UBR1: variants seen among roughly 807,000 people sequenced by gnomAD.
UBR1 encodes ubiquitin protein ligase E3 component n-recognin 1.
A neutral mutation model predicts 242.1 loss-of-function variants in UBR1; 102 were observed. That is an observed-to-expected ratio of 0.42 (90% CI 0.36 to 0.50). The LOEUF is 0.50. UBR1 is among the 20% of genes least tolerant of loss of function. The pLI is 0.01. For missense variants in UBR1, 1,772 were observed against 2,101.8 expected (o/e 0.84, Z 3.07); for synonymous variants, 675 against 684.8 (o/e 0.99, Z 0.22).
chr15:42,983,851 T>C, intron 37 of UBR1, 46 bp downstream of exon 37: 5 of 1,149,564 alleles, frequency 4.3e-6, no homozygotes, highest in Non-Finnish European at 5.9e-6. Context: ...TAGAAAAAGA[T>C]ATATAAATAA....
chr15:42,976,768 G>A lies in UBR1; in HGVS notation c.4318C>T (p.His1440Tyr), dbSNP rs758341705. Residue 1440 changes from histidine (H) to tyrosine (Y), a missense_variant, in exon 39 of 47, where the codon CAT (histidine) becomes TAT (tyrosine). Coordinates refer to ENST00000290650, the MANE Select transcript of UBR1 (RefSeq NM_174916.3). The stretch of plus-strand genomic sequence containing the variant: ...AGCATGTGTGCCATGGTGATCAAAT[G>A]GAAGAGATAAAGGTGGTTATAGGAA... Reference protein sequence around the residue: ...SSSYNHLYLFHLITMAHMLQI... With the variant: ...SSSYNHLYLFYLITMAHMLQI... 8 of 1,614,076 alleles carry A rather than the reference G, an allele frequency of 5.0e-6. No individual in the cohort carries two copies. Among genetic ancestry groups the A allele is most frequent in the Non-Finnish European group, 5.9e-6 (7 of 1,180,004 alleles).
intron 44 of UBR1, among the ~76,000 whole-genome samples, chr15:42,956,901 G>A (rs559325560): frequency 7.9e-5 from 12 of 152,274 alleles, no homozygotes; most frequent in African/African-American, 2.9e-4. Context: ...GAAAAAAGGC[G>A]CCCTCACACA....
At chr15:43,022,926 A>G in intron 25 of UBR1, 125 bp from the exon 26 acceptor site, 1 of 582,082 alleles carries the variant, frequency 1.7e-6, no homozygotes, top group Non-Finnish European at 3.0e-6. Context: ...GCAGTGGGGC[A>G]ATCCTAGCTT....
chr15:43,005,036 T>C (rs2032789113), intron 30 of UBR1, among the ~76,000 whole-genome samples: 1 of 148,894 alleles, frequency 6.7e-6, no homozygotes, highest in Middle Eastern at 3.4e-3. Flanking sequence ...CGCGACCCCG[T>C]CTGGGAACTG....
At chr15:43,028,870 G>A (rs1459382206) in intron 21 of UBR1, among the ~76,000 whole-genome samples, 2 of 151,982 alleles carry the variant, frequency 1.3e-5, no homozygotes, top group Non-Finnish European at 2.9e-5. Context: ...GATCACTTGA[G>A]GTCAGGAGTT....
At chr15:43,026,935 T>C (rs577217527) in intron 22 of UBR1, among the ~76,000 whole-genome samples, 18 of 152,224 alleles carry the variant, frequency 1.2e-4, no homozygotes, top group African/African-American at 4.3e-4. Flanking sequence ...TACCATGCCC[T>C]ATCTCTAAAG....
rs923437841 is a variant in UBR1, at chr15:42,985,042, G to A, written c.3998-100C>T. 3.9e-6 allele frequency: 4 copies of A among 1,013,128 alleles called. No individual in the cohort carries two copies. The South Asian group carries it at 7.6e-5, about 19-fold the overall frequency. The allele number at this position is 1,013,128 out of a possible 1,614,324, so 62.8% of individuals were successfully genotyped here. On this transcript the variant is annotated intron_variant, in intron 35 of 46. Transcript: ENST00000290650. ...TGTTCTTTAATAATATTTTTGATGA[G>A]ATGATTTGCATTTTTCCCCTTCAAA...
At chr15:43,082,166 T>G (rs1303547964) in intron 3 of UBR1, among the ~76,000 whole-genome samples, 1 of 152,090 alleles carries the variant, frequency 6.6e-6, no homozygotes, top group African/African-American at 2.4e-5. Context: ...TTTAACAACA[T>G]GAAAAAAACA....
chr15:42,948,771 G>T (rs1269200081), intron 46 of UBR1, among the ~76,000 whole-genome samples: 1 of 152,166 alleles, frequency 6.6e-6, no homozygotes, highest in African/African-American at 2.4e-5. Flanking sequence ...TCATTAAAAA[G>T]TCAGGAAACA....
chr15:43,003,821 C>T lies in UBR1; in HGVS notation c.3509+16G>A. 1 of 1,613,646 alleles carries T rather than the reference C, an allele frequency of 6.2e-7. No individual in the cohort carries two copies. Among genetic ancestry groups the T allele is most frequent in the Non-Finnish European group, 8.5e-7 (1 of 1,179,678 alleles). ...TTCCTAGTCTCTTTCAAGAACATGT[C>T]AGAAGGACAACTTACTTCTGCCAGC... On this transcript the variant is annotated intron_variant, in intron 31 of 46. Transcript: ENST00000290650.
Position 43,036,545 on chromosome 15 carries a change from C to CT in UBR1, c.2070dup (p.Asp691ArgfsTer16). The stretch of plus-strand genomic sequence containing the variant: ...ATAGGTACCTGAAGCATGATGATAT[C>CT]TTTATCATACATTTCTTCTCTGCAC... On this transcript the variant is annotated frameshift_variant, in exon 18 of 47. Transcript: ENST00000290650. LOFTEE classifies it high-confidence loss of function. The CT allele has an allele frequency of 6.3e-7, 1 of 1,596,642 alleles. No homozygotes were observed. The highest frequency in any genetic ancestry group is 8.6e-7 in the Non-Finnish European group (1 of 1,164,398).
intron 9 of UBR1, among the ~76,000 whole-genome samples, 173 bp from the exon 10 acceptor site, chr15:43,058,602 T>A (rs549342750): frequency 6.6e-6 from 1 of 152,154 alleles, no homozygotes; most frequent in East Asian, 1.9e-4. Flanking sequence ...AATACACACA[T>A]ATATTGCCTT....
intron 3 of UBR1, among the ~76,000 whole-genome samples, chr15:43,075,782 A>G (rs2033881187): frequency 6.6e-6 from 1 of 150,874 alleles, no homozygotes; most frequent in African/African-American, 2.4e-5. Context: ...CGCCTGGCTA[A>G]TTTTGTATTT....
intron 29 of UBR1, among the ~76,000 whole-genome samples, chr15:43,015,401 GGGC>G (rs1296655673): frequency 3.3e-5 from 5 of 151,988 alleles, no homozygotes; most frequent in Non-Finnish European, 5.9e-5. Context: ...AATGGATTAA[GGGC>G]GGTGCAAGAT....
intron 5 of UBR1, 53 bp from the exon 6 acceptor site, chr15:43,068,089 T>TAAAAAAAAAAAAAAAAGAAAAAAAA: frequency 1.3e-6 from 1 of 787,320 alleles, no homozygotes; most frequent in Non-Finnish European, 1.7e-6. Context: ...AAAGGAAAAG[T>TAAAAAAAAAAAAAAAAGAAAAAAAA]AAAAAAAAAA....
At chr15:42,974,281 A>G (rs2032254394) in intron 39 of UBR1, among the ~76,000 whole-genome samples, 1 of 152,158 alleles carries the variant, frequency 6.6e-6, no homozygotes, top group African/African-American at 2.4e-5. Context: ...CTGTGTCTAT[A>G]TTCATTTTAT....
At chr15:42,973,789 C>A (rs1335772114) in intron 39 of UBR1, among the ~76,000 whole-genome samples, 1 of 151,034 alleles carries the variant, frequency 6.6e-6, no homozygotes, top group African/African-American at 2.4e-5. Context: ...TCCAGCCTAT[C>A]AATTATTTCT....
intron 40 of UBR1, among the ~76,000 whole-genome samples, chr15:42,968,764 G>A (rs573629710): frequency 3.3e-5 from 5 of 152,112 alleles, no homozygotes; most frequent in South Asian, 2.1e-4. Context: ...GAGAACATGC[G>A]GCATTTGGCT....
rs1232902149 is a variant in UBR1 at position 43,014,577 on chromosome 15, T to C, written c.3209+1111A>G. Among the ~76,000 whole-genome samples the C allele has an allele frequency of 7.4e-5, 11 of 149,622 alleles. No individual in the cohort carries two copies. The East Asian group carries it at 2.2e-3, about 30-fold the overall frequency. On this transcript the variant is annotated intron_variant, in intron 29 of 46. Coordinates refer to ENST00000290650, the MANE Select transcript of UBR1 (RefSeq NM_174916.3). ...GTGCCTCTGCCCGGCCGCGACCCCG[T>C]CTGGGAGGTGAGGAGCGTCTCTGCC...
Sources: allele counts gnomAD v4.1 joint callset (sites outside exome capture counted in the v4.1 genomes callset), GRCh38; gene constraint gnomAD v4.1.1; transcripts MANE v1.5; gene names NCBI Gene and HGNC (gene_info 2026-07-23, HGNC 2026-07-21).